PUDP: variants seen among roughly 807,000 people sequenced by gnomAD.
PUDP encodes pseudouridine 5'-phosphatase.
Under a neutral mutation model 9.4 loss-of-function variants are expected in PUDP, and 8 were observed. The ratio of observed to expected loss-of-function variants is 0.85; its 90% CI spans 0.50 to 1.53. PUDP has a LOEUF of 1.53. PUDP is among the 40% of genes most tolerant of loss of function. PUDP has a pLI of 0.00. For synonymous variants in PUDP, 99 were observed against 80.7 expected (o/e 1.23, Z -1.22); for missense variants, 188 against 189.7 (o/e 0.99, Z 0.05).
At chrX:6,768,036 C>T (rs766719091) in intron 3 of PUDP, among the ~76,000 whole-genome samples, 4 of 111,663 alleles carry the variant, frequency 3.6e-5, no homozygotes, top group Non-Finnish European at 7.5e-5. Flanking sequence ...GGAAGCTTGA[C>T]CAGGAACAGA....
At chrX:6,714,380 G>C in intron 1 of PUDP, among the ~76,000 whole-genome samples, 1 of 111,892 alleles carries the variant, frequency 8.9e-6, no homozygotes, top group Non-Finnish European at 1.9e-5. Context: ...TAGATAGACA[G>C]CTAGAAAGGT....
At chrX:7,083,209 C>T (rs1350124897) in intron 2 of PUDP, among the ~76,000 whole-genome samples, 1 of 111,744 alleles carries the variant, frequency 8.9e-6, no homozygotes, top group East Asian at 2.8e-4. Flanking sequence ...GTGGCAGCAG[C>T]CCCAGGAAAT....
chrX:6,981,810 C>A (rs926187275), intron 1 of PUDP, among the ~76,000 whole-genome samples: 1 of 110,978 alleles, frequency 9.0e-6, no homozygotes, highest in Non-Finnish European at 1.9e-5. Context: ...GGATTGGACA[C>A]AGACCTTCAG....
rs6654832 is a variant in PUDP, at chrX:6,963,375, C to T, written c.*247+13758G>A. On this transcript the variant is annotated intron_variant and NMD_transcript_variant, in intron 3 of 3. Transcript: ENST00000655425. Reference sequence around the variant, plus strand: ...CAGGTAAGAAAAAGCCTGGCTCTGACATGACTGAGCCAAGTCCTCAGCCCT... The same window carrying T: ...CAGGTAAGAAAAAGCCTGGCTCTGATATGACTGAGCCAAGTCCTCAGCCCT... Among the ~76,000 whole-genome samples, 88 of 111,430 alleles carry T rather than the reference C, an allele frequency of 7.9e-4. 1 individual carries two copies. Among genetic ancestry groups the T allele is most frequent in the African/African-American group, 2.6e-3 (81 of 30,706 alleles).
intron 3 of PUDP, among the ~76,000 whole-genome samples, chrX:6,948,644 T>G (rs1030130897): frequency 1.8e-5 from 2 of 112,055 alleles, no homozygotes; most frequent in African/African-American, 6.5e-5. Context: ...AGGTTTTAGA[T>G]GATGCTAAAG....
Position 6,860,468 on chromosome X carries a change from G to GTTTTTTTT in PUDP, c.*247+116664_*247+116665insAAAAAAAA, listed in dbSNP as rs1462065871. Among the ~76,000 whole-genome samples, 11 of 100,445 alleles carry GTTTTTTTT rather than the reference G, an allele frequency of 1.1e-4. 1 individual carries two copies. Among genetic ancestry groups the GTTTTTTTT allele is most frequent in the East Asian group, 3.9e-4 (1 of 2,534 alleles). 87.2% of individuals were successfully genotyped at this position (100,445 alleles called of 115,157 possible). On this transcript the variant is annotated intron_variant and NMD_transcript_variant, in intron 3 of 3. Coordinates refer to the PUDP transcript ENST00000655425. ...CATGTTTTTCTGTGTGTGGTTTTTT[G>GTTTTTTTT]TTTTTTGTTTTTTGTTTTTTGAGAC...
At chrX:7,003,171 T>C (rs976787726) in intron 1 of PUDP, among the ~76,000 whole-genome samples, 2 of 111,787 alleles carry the variant, frequency 1.8e-5, no homozygotes, top group African/African-American at 6.5e-5. Context: ...TCTCCAAGTG[T>C]TTGAAATGGG....
chrX:6,848,913 C>G (rs1327427894), intron 3 of PUDP, among the ~76,000 whole-genome samples: 1 of 112,202 alleles, frequency 8.9e-6, no homozygotes, highest in Non-Finnish European at 1.9e-5. Context: ...TACACAGCCT[C>G]AGGTATTCCT....
intron 2 of PUDP, among the ~76,000 whole-genome samples, chrX:7,097,268 G>A (rs1931599413): frequency 8.9e-6 from 1 of 111,804 alleles, no homozygotes; most frequent in Non-Finnish European, 1.9e-5. Flanking sequence ...GATGAGCTGG[G>A]GAATAAGAAG....
intron 1 of PUDP, among the ~76,000 whole-genome samples, chrX:7,129,983 C>T (rs970815035): frequency 1.8e-5 from 2 of 111,700 alleles, no homozygotes; most frequent in Non-Finnish European, 3.8e-5. Flanking sequence ...TGTTTATCCC[C>T]GGCATGGTGC....
intron 2 of PUDP, chrX:7,084,666 T>C (rs1931211179): frequency 9.0e-6 from 1 of 111,080 alleles, no homozygotes; most frequent in African/African-American, 3.3e-5. Context: ...ATGACCGATA[T>C]TGAATGGACA....
chrX:7,023,840 C>A (rs1165199030), intron 1 of PUDP, among the ~76,000 whole-genome samples: 1 of 112,044 alleles, frequency 8.9e-6, no homozygotes, highest in Admixed American at 9.5e-5. Context: ...AGTCTTCCAA[C>A]GTACGCCCAA....
chrX:7,028,663 T>C (rs1039526205), intron 1 of PUDP, among the ~76,000 whole-genome samples: 1 of 111,888 alleles, frequency 8.9e-6, no homozygotes, highest in African/African-American at 3.2e-5. Context: ...GGTACTCCGC[T>C]TGGCCAGCCA....
At chrX:6,883,543 A>AT (rs1266401026) in intron 3 of PUDP, among the ~76,000 whole-genome samples, 3 of 108,601 alleles carry the variant, frequency 2.8e-5, no homozygotes, top group African/African-American at 1.0e-4. Context: ...AAAAAAAAAA[A>AT]TTTTAAACAA....
chrX:6,769,110 G>A (rs990067238), intron 3 of PUDP, among the ~76,000 whole-genome samples: 1 of 111,942 alleles, frequency 8.9e-6, no homozygotes, highest in East Asian at 2.8e-4. Flanking sequence ...ATATTTGCTG[G>A]TCTCCCATTC....
intron 3 of PUDP, among the ~76,000 whole-genome samples, chrX:6,864,076 T>C (rs929053228): frequency 2.7e-5 from 3 of 111,319 alleles, no homozygotes; most frequent in Non-Finnish European, 5.7e-5. Flanking sequence ...TATTGGGTCA[T>C]TCAAGACCAG....
At chrX:6,761,286 G>A (rs1925225887) in intron 3 of PUDP, among the ~76,000 whole-genome samples, 2 of 112,047 alleles carry the variant, frequency 1.8e-5, no homozygotes, top group South Asian at 7.4e-4. Flanking sequence ...ACTCTGTAGA[G>A]CATCTACCCC....
intron 1 of PUDP, among the ~76,000 whole-genome samples, chrX:6,719,466 A>T (rs186197522): frequency 8.9e-6 from 1 of 112,455 alleles, no homozygotes; most frequent in Non-Finnish European, 1.9e-5. Context: ...GGGATTCCTG[A>T]TTCACAGAAA....
At chrX:7,145,804 G>T (rs758214157) in intron 1 of PUDP, among the ~76,000 whole-genome samples, 2 of 111,516 alleles carry the variant, frequency 1.8e-5, no homozygotes, top group Non-Finnish European at 3.8e-5. Flanking sequence ...AAGTATGCAA[G>T]TATTGGGGCT....
Sources: gnomAD v4.1 joint callset for allele counts (sites outside exome capture counted in the v4.1 genomes callset) on GRCh38, gnomAD v4.1.1 for gene constraint, MANE v1.5 for transcripts, NCBI Gene and HGNC (gene_info 2026-07-23, HGNC 2026-07-21) for gene names.